The following HS6ST3 variants were observed in gnomAD, a reference collection of about 807,000 sequenced individuals.
HS6ST3 encodes the protein heparan-sulfate 6-O-sulfotransferase 3.
Under a neutral mutation model 36.7 loss-of-function variants are expected in HS6ST3, and 12 were observed. That is an observed-to-expected ratio of 0.33 (90% CI 0.21 to 0.53). The LOEUF is 0.53. HS6ST3 is among the 20% of genes least tolerant of loss of function. The probability of loss-of-function intolerance (pLI) is 0.95; values close to 1 mark genes in which losing one functional copy is unlikely to be tolerated. For missense variants in HS6ST3, 584 were observed against 640.9 expected (o/e 0.91, Z 0.96); for synonymous variants, 240 against 257.5 (o/e 0.93, Z 0.65).
chr13:96,405,624 C>T (rs969953023), intron 1 of HS6ST3, among the ~76,000 whole-genome samples: 4 of 152,080 alleles, frequency 2.6e-5, no homozygotes, highest in Admixed American at 6.6e-5. Flanking sequence ...AAATATTAAG[C>T]GCATCCTATA....
chr13:96,090,357 C>T lies in HS6ST3; in HGVS notation c.-506C>T, dbSNP rs1047285963. On this transcript the variant is annotated 5_prime_UTR_variant, in exon 1 of 2. Transcript: ENST00000376705. ...CCGGGCGCGCGTGCCGGGCGCGGTG[C>T]CCGCGGCCGGCCGGGGCGGCGGGAG... Among the ~76,000 whole-genome samples the T allele has an allele frequency of 2.1e-5, 3 of 146,320 alleles. No individual in the cohort carries two copies. The highest frequency in any genetic ancestry group is 3.0e-5 in the Non-Finnish European group (2 of 65,860).
chr13:96,532,467 A>G lies in HS6ST3; in HGVS notation c.708-300023A>G, dbSNP rs2056139531. Among the ~76,000 whole-genome samples, 3 of 152,342 alleles carry G rather than the reference A, an allele frequency of 2.0e-5. No homozygotes were observed. In the South Asian group the frequency reaches 6.2e-4, roughly 32 times the overall value. On this transcript the variant is annotated intron_variant, in intron 1 of 1. Coordinates refer to ENST00000376705, the MANE Select transcript of HS6ST3 (RefSeq NM_153456.4). ...GGTTTTATCGGGAAAAGTATTTGCT[A>G]ACTATGGGACTGGTTCACAAGGAGT...
intron 1 of HS6ST3, among the ~76,000 whole-genome samples, chr13:96,813,039 C>G (rs1878351546): frequency 6.6e-6 from 1 of 152,166 alleles, no homozygotes; most frequent in Non-Finnish European, 1.5e-5. Context: ...GATCAGCACT[C>G]TCTGCCCTCT....
At chr13:96,102,089 A>AT (rs34973249) in intron 1 of HS6ST3, among the ~76,000 whole-genome samples, 28 of 151,336 alleles carry the variant, frequency 1.9e-4, no homozygotes, top group East Asian at 3.9e-4. Flanking sequence ...CAGAAAAGGT[A>AT]TTTTTTTTTC....
At chr13:96,630,843 G>C (rs1299275297) in intron 1 of HS6ST3, among the ~76,000 whole-genome samples, 1 of 152,088 alleles carries the variant, frequency 6.6e-6, no homozygotes, top group Non-Finnish European at 1.5e-5. Context: ...TCTTTTGGAA[G>C]GTTTTGATGG....
At chr13:96,825,038 C>T (rs1878620463) in intron 1 of HS6ST3, among the ~76,000 whole-genome samples, 1 of 152,140 alleles carries the variant, frequency 6.6e-6, no homozygotes, top group Non-Finnish European at 1.5e-5. Flanking sequence ...GGGGAGAAAT[C>T]CCTTCCACGG....
At chr13:96,583,342 T>C (rs758618678) in intron 1 of HS6ST3, among the ~76,000 whole-genome samples, 2 of 148,514 alleles carry the variant, frequency 1.3e-5, no homozygotes, top group African/African-American at 2.5e-5. Flanking sequence ...GCCTCCTGAA[T>C]AGCTGAGATT....
chr13:96,547,718 A>G (rs2056202864), intron 1 of HS6ST3, among the ~76,000 whole-genome samples: 1 of 152,084 alleles, frequency 6.6e-6, no homozygotes, highest in African/African-American at 2.4e-5. Flanking sequence ...CGTTTGTGGC[A>G]TAAGTTGTTT....
chr13:96,163,100 A>G (rs1348851244), intron 1 of HS6ST3, among the ~76,000 whole-genome samples: 15 of 151,566 alleles, frequency 9.9e-5, no homozygotes, highest in African/African-American at 3.6e-4. Context: ...GAAGTTTCTG[A>G]TTTTATAGAG....
chr13:96,463,415 T>C (rs1424798444), intron 1 of HS6ST3, among the ~76,000 whole-genome samples: 1 of 152,020 alleles, frequency 6.6e-6, no homozygotes, highest in African/African-American at 2.4e-5. Flanking sequence ...AAGAGTGAAA[T>C]TGGGTGCCTG....
At chr13:96,588,718 G>A (rs2056371294) in intron 1 of HS6ST3, among the ~76,000 whole-genome samples, 1 of 151,994 alleles carries the variant, frequency 6.6e-6, no homozygotes, top group Non-Finnish European at 1.5e-5. Context: ...TTTGTGTTTA[G>A]TATCAGGGTG....
chr13:96,653,561 A>G (rs1039332743), intron 1 of HS6ST3, among the ~76,000 whole-genome samples: 1 of 152,196 alleles, frequency 6.6e-6, no homozygotes. Flanking sequence ...ATGGCTGCAT[A>G]GCAATCCATG....
intron 1 of HS6ST3, among the ~76,000 whole-genome samples, chr13:96,484,353 G>T (rs1373127432): frequency 6.6e-6 from 1 of 151,724 alleles, no homozygotes; most frequent in Non-Finnish European, 1.5e-5. Context: ...TGTGCACATT[G>T]TTGATGTAAG....
chr13:96,624,624 A>G (rs1290228532), intron 1 of HS6ST3, among the ~76,000 whole-genome samples: 1 of 151,474 alleles, frequency 6.6e-6, no homozygotes, highest in Non-Finnish European at 1.5e-5. Flanking sequence ...TGTGGTCACC[A>G]TTGTGTACTG....
At chr13:96,308,174 A>G (rs1414682868) in intron 1 of HS6ST3, among the ~76,000 whole-genome samples, 1 of 152,044 alleles carries the variant, frequency 6.6e-6, no homozygotes, top group African/African-American at 2.4e-5. Context: ...TCCTTAGATG[A>G]TTTTCGTTTT....
At chr13:96,257,524 C>T (rs1439664548) in intron 1 of HS6ST3, among the ~76,000 whole-genome samples, 2 of 152,092 alleles carry the variant, frequency 1.3e-5, no homozygotes, top group Admixed American at 6.6e-5. Flanking sequence ...TTTTGGGACC[C>T]TTGACAAGTT....
intron 1 of HS6ST3, chr13:96,574,028 C>G (rs1298957334): frequency 1.8e-6 from 1 of 543,404 alleles, no homozygotes; most frequent in Non-Finnish European, 3.7e-6. Flanking sequence ...TGACCCCTGT[C>G]TGCTCTTTGT....
At chr13:96,574,914 C>T (rs1275756965) in intron 1 of HS6ST3, among the ~76,000 whole-genome samples, 1 of 152,160 alleles carries the variant, frequency 6.6e-6, no homozygotes, top group Non-Finnish European at 1.5e-5. Flanking sequence ...CCCTGGTAGT[C>T]TGGGCAATGG....
chr13:96,781,092 C>T (rs552550760), intron 1 of HS6ST3, among the ~76,000 whole-genome samples: 24 of 152,226 alleles, frequency 1.6e-4, no homozygotes, highest in Non-Finnish European at 2.4e-4. Context: ...ACTATGAAGA[C>T]GCTCATTCTT....
Sources: gnomAD v4.1 joint callset for allele counts (sites outside exome capture counted in the v4.1 genomes callset) on GRCh38, gnomAD v4.1.1 for gene constraint, MANE v1.5 for transcripts, NCBI Gene and HGNC (gene_info 2026-07-23, HGNC 2026-07-21) for gene names.